PDSS2: variants seen among roughly 807,000 people sequenced by gnomAD.
PDSS2 encodes decaprenyl diphosphate synthase subunit 2, also known as all trans-polyprenyl-diphosphate synthase PDSS2.
In PDSS2, 31 loss-of-function variants were observed where a neutral mutation model predicts 44.5. The observed-to-expected ratio is 0.70, with a 90% CI of 0.52 to 0.94. The LOEUF (loss-of-function observed/expected upper bound fraction) is 0.94. PDSS2 is among the 40% of genes least tolerant of loss of function. PDSS2 has a pLI of 0.00. For missense variants in PDSS2, 452 were observed against 482.2 expected (o/e 0.94, Z 0.59); for synonymous variants, 157 against 180.3 (o/e 0.87, Z 1.03).
rs113853021 is a variant in PDSS2, at chr6:107,269,340, C to G, written c.630+4689G>C. Among the ~76,000 whole-genome samples, 276 of 143,302 alleles carry G rather than the reference C, an allele frequency of 1.9e-3. 1 individual carries two copies. Among genetic ancestry groups the G allele is most frequent in the African/African-American group, 6.1e-3 (236 of 38,482 alleles). 94.0% of individuals were successfully genotyped at this position (143,302 alleles called of 152,430 possible). On this transcript the variant is annotated intron_variant, in intron 3 of 7. Coordinates refer to ENST00000369037, the MANE Select transcript of PDSS2 (RefSeq NM_020381.4). The stretch of plus-strand genomic sequence containing the variant: ...GCCTTCTCAATCTCATTTCGTGTGT[C>G]TGTGTGTGTGTGTGTGTGTGTGTGT...
At chr6:107,346,883 T>C (rs1034266819) in intron 1 of PDSS2, among the ~76,000 whole-genome samples, 9 of 152,216 alleles carry the variant, frequency 5.9e-5, no homozygotes, top group African/African-American at 2.2e-4. Flanking sequence ...GGTGTATTGA[T>C]AGAGTTCGAC....
chr6:107,174,659 C>A (rs557060374), intron 7 of PDSS2, among the ~76,000 whole-genome samples: 1 of 152,116 alleles, frequency 6.6e-6, no homozygotes, highest in Non-Finnish European at 1.5e-5. Context: ...AAAAGCATTC[C>A]TTTTTACTCA....
At chr6:107,449,105 C>T (rs1466822757) in intron 1 of PDSS2, among the ~76,000 whole-genome samples, 2 of 152,202 alleles carry the variant, frequency 1.3e-5, no homozygotes, top group Non-Finnish European at 2.9e-5. Flanking sequence ...CACCACAAGA[C>T]TCCCAACTGT....
intron 1 of PDSS2, among the ~76,000 whole-genome samples, chr6:107,340,574 T>C (rs1016211403): frequency 1.3e-5 from 2 of 152,184 alleles, no homozygotes; most frequent in South Asian, 2.1e-4. Context: ...AAAAGAGCTA[T>C]AATAGTAGAT....
At chr6:107,369,157 C>T (rs560879346) in intron 1 of PDSS2, among the ~76,000 whole-genome samples, 5 of 152,334 alleles carry the variant, frequency 3.3e-5, no homozygotes, top group Non-Finnish European at 4.4e-5. Context: ...AAGTGGCTCA[C>T]GCCTGTAATC....
At chr6:107,426,627 A>G (rs939112374) in intron 1 of PDSS2, among the ~76,000 whole-genome samples, 16 of 152,192 alleles carry the variant, frequency 1.1e-4, no homozygotes, top group African/African-American at 3.6e-4. Context: ...AAAGCAGCCA[A>G]GAGGGTGGCT....
chr6:107,355,920 G>A (rs1778585538), intron 1 of PDSS2, among the ~76,000 whole-genome samples: 1 of 152,240 alleles, frequency 6.6e-6, no homozygotes, highest in South Asian at 2.1e-4. Flanking sequence ...CAGAGAGACT[G>A]TGACTTGTTT....
intron 7 of PDSS2, among the ~76,000 whole-genome samples, chr6:107,184,537 T>C (rs1331954098): frequency 6.6e-6 from 1 of 152,244 alleles, no homozygotes; most frequent in Admixed American, 6.5e-5. Flanking sequence ...CAAATGCAAA[T>C]GTCTGTGGAC....
chr6:107,279,409 G>C (rs59659608), intron 2 of PDSS2, among the ~76,000 whole-genome samples: 1 of 152,054 alleles, frequency 6.6e-6, no homozygotes, highest in Non-Finnish European at 1.5e-5. Context: ...TTAAGAACAG[G>C]CTTAATTCTT....
chr6:107,169,652 T>G (rs1169742832), intron 7 of PDSS2, among the ~76,000 whole-genome samples: 1 of 152,058 alleles, frequency 6.6e-6, no homozygotes, highest in African/African-American at 2.4e-5. Flanking sequence ...ACAGGTGGGG[T>G]TTTGGTGTGG....
At chr6:107,347,859 T>G (rs1416513905) in intron 1 of PDSS2, among the ~76,000 whole-genome samples, 1 of 152,186 alleles carries the variant, frequency 6.6e-6, no homozygotes, top group Non-Finnish European at 1.5e-5. Context: ...AAACAATTAA[T>G]TTTTAAAAGG....
intron 2 of PDSS2, among the ~76,000 whole-genome samples, chr6:107,289,235 T>C (rs953366966): frequency 1.3e-5 from 2 of 151,474 alleles, no homozygotes; most frequent in African/African-American, 2.4e-5. Flanking sequence ...TAGAAGGGCA[T>C]GGTAGCAGGC....
At chr6:107,214,848 G>C (rs1773359818) in intron 4 of PDSS2, among the ~76,000 whole-genome samples, 1 of 152,116 alleles carries the variant, frequency 6.6e-6, no homozygotes, top group South Asian at 2.1e-4. Context: ...AAACTCCTGA[G>C]CTCAAGCAAT....
intron 1 of PDSS2, among the ~76,000 whole-genome samples, chr6:107,420,649 C>T (rs969555963): frequency 6.6e-6 from 1 of 152,060 alleles, no homozygotes; most frequent in African/African-American, 2.4e-5. Context: ...AAAATAGAAG[C>T]TTGACTTAAA....
chr6:107,321,303 G>C (rs1777375074), intron 2 of PDSS2, among the ~76,000 whole-genome samples: 1 of 152,184 alleles, frequency 6.6e-6, no homozygotes, highest in Non-Finnish European at 1.5e-5. Flanking sequence ...GGTACAAAAT[G>C]TAATAGAGGC....
At chr6:107,312,900 T>G (rs1389544780) in intron 2 of PDSS2, among the ~76,000 whole-genome samples, 3 of 152,206 alleles carry the variant, frequency 2.0e-5, no homozygotes, top group Non-Finnish European at 4.4e-5. Flanking sequence ...TGTCCCCAAT[T>G]TTATACATGA....
chr6:107,316,666 C>T (rs1346764997), intron 2 of PDSS2, among the ~76,000 whole-genome samples: 1 of 152,006 alleles, frequency 6.6e-6, no homozygotes, highest in South Asian at 2.1e-4. Flanking sequence ...CCCTATATAT[C>T]TACTCTGATT....
chr6:107,300,743 G>A (rs1358878923), intron 2 of PDSS2, among the ~76,000 whole-genome samples: 2 of 151,880 alleles, frequency 1.3e-5, no homozygotes, highest in Non-Finnish European at 2.9e-5. Context: ...TCTTGCAATT[G>A]AAAAACAAAA....
intron 7 of PDSS2, among the ~76,000 whole-genome samples, chr6:107,185,402 T>A (rs1317409261): frequency 6.6e-6 from 1 of 152,130 alleles, no homozygotes; most frequent in Non-Finnish European, 1.5e-5. Flanking sequence ...AAAAAGAAAC[T>A]GGGAAAAAGT....
Sources: gnomAD v4.1 joint callset for allele counts (sites outside exome capture counted in the v4.1 genomes callset) on GRCh38, gnomAD v4.1.1 for gene constraint, MANE v1.5 for transcripts, NCBI Gene and HGNC (gene_info 2026-07-23, HGNC 2026-07-21) for gene names.